HTR1E: variants seen among roughly 807,000 people sequenced by gnomAD.
HTR1E encodes 5-HT-1E.
In HTR1E, 3 loss-of-function variants were observed where a neutral mutation model predicts 3.4. The ratio of observed to expected loss-of-function variants is 0.89; its 90% CI spans 0.41 to 2.31. The LOEUF (loss-of-function observed/expected upper bound fraction) is 2.31, where lower values mean the gene tolerates loss of function less well. Among genes scored for constraint, HTR1E ranks in the 30% most tolerant of loss-of-function variants. The pLI, the probability that HTR1E is intolerant of heterozygous loss-of-function variation, is 0.05. For synonymous variants in HTR1E, 170 were observed against 182.8 expected, an observed-to-expected ratio of 0.93 and a Z score of 0.56; for missense variants, 392 against 467.0, an observed-to-expected ratio of 0.84 and a Z score of 1.48.
chr6:86,980,164 G>A (rs887977052), intron 1 of HTR1E, among the ~76,000 whole-genome samples: 1 of 152,066 alleles, frequency 6.6e-6, no homozygotes, highest in Admixed American at 6.5e-5. Context: ...GAGGCGGGCG[G>A]ATCATGAGGT....
chr6:86,987,078 A>G (rs1270108945), intron 1 of HTR1E, among the ~76,000 whole-genome samples: 1 of 152,118 alleles, frequency 6.6e-6, no homozygotes, highest in Non-Finnish European at 1.5e-5. Context: ...CACATATAGA[A>G]CAAATATGGC....
chr6:86,979,343 G>T (rs895163974), intron 1 of HTR1E, among the ~76,000 whole-genome samples: 8 of 152,128 alleles, frequency 5.3e-5, no homozygotes, highest in Admixed American at 2.6e-4. Flanking sequence ...TTCTGAAAAG[G>T]GGAATTATAT....
chr6:86,940,840 T>C (rs1582252239), intron 1 of HTR1E, among the ~76,000 whole-genome samples: 1 of 152,196 alleles, frequency 6.6e-6, no homozygotes, highest in Non-Finnish European at 1.5e-5. Flanking sequence ...TTCTACCAAA[T>C]AGGAACTTAC....
intron 1 of HTR1E, among the ~76,000 whole-genome samples, chr6:86,995,480 A>G (rs548011433): frequency 3.2e-4 from 49 of 151,474 alleles, no homozygotes; most frequent in South Asian, 2.5e-3. Flanking sequence ...AGCCTGGCCA[A>G]TATGGTGAAA....
chr6:86,990,026 A>G (rs1313784479), intron 1 of HTR1E, among the ~76,000 whole-genome samples: 1 of 152,230 alleles, frequency 6.6e-6, no homozygotes, highest in Admixed American at 6.5e-5. Context: ...ACTAAGTGGA[A>G]GCCTAGTAGG....
chr6:87,010,514 G>A (rs1372225436), intron 1 of HTR1E, among the ~76,000 whole-genome samples: 12 of 143,572 alleles, frequency 8.4e-5, no homozygotes, highest in Non-Finnish European at 1.4e-4. Flanking sequence ...CAGATGGGGC[G>A]GCGGGGCAGA....
chr6:87,008,354 T>C (rs1453271558), intron 1 of HTR1E, among the ~76,000 whole-genome samples: 1 of 151,906 alleles, frequency 6.6e-6, no homozygotes, highest in Non-Finnish European at 1.5e-5. Flanking sequence ...AACAGAAAGA[T>C]AAAATTACTA....
In HTR1E at chr6:86,967,925, A is replaced by G. The variant is rs183330846; in HGVS notation, c.-186+30102A>G. On this transcript the variant is annotated intron_variant, in intron 1 of 1. Coordinates refer to ENST00000305344, the MANE Select transcript of HTR1E (RefSeq NM_000865.3). The stretch of plus-strand genomic sequence containing the variant: ...AGGAGAGGGGAGAGTTTTTTTGGAT[A>G]GGTAGTATATGCAAAAAAGAATTGT... Among the ~76,000 whole-genome samples, 49 of 152,254 alleles carry G rather than the reference A, an allele frequency of 3.2e-4. 1 individual carries two copies. Among genetic ancestry groups the G allele is most frequent in the Admixed American group, 3.0e-3 (46 of 15,298 alleles).
chr6:86,972,470 G>A (rs1767573991), intron 1 of HTR1E, among the ~76,000 whole-genome samples: 1 of 152,038 alleles, frequency 6.6e-6, no homozygotes, highest in South Asian at 2.1e-4. Flanking sequence ...GTTGTATGGG[G>A]CAGTTTTCCA....
intron 1 of HTR1E, among the ~76,000 whole-genome samples, chr6:86,971,738 G>A (rs1767560399): frequency 6.6e-6 from 1 of 152,086 alleles, no homozygotes; most frequent in Admixed American, 6.5e-5. Context: ...GAGGGGATGT[G>A]CAGGTTTTGA....
intron 1 of HTR1E, among the ~76,000 whole-genome samples, chr6:86,968,971 G>GA (rs1190935040): frequency 6.6e-6 from 1 of 151,814 alleles, no homozygotes; most frequent in Non-Finnish European, 1.5e-5. Flanking sequence ...ATGAGGTAGG[G>GA]ATCTAACTTT....
chr6:86,967,550 A>G (rs183158200), intron 1 of HTR1E, among the ~76,000 whole-genome samples: 10 of 152,310 alleles, frequency 6.6e-5, no homozygotes, highest in Admixed American at 6.5e-4. Context: ...ACCCACAGTG[A>G]GCTAAGCACT....
rs530999472 is a variant in HTR1E at position 87,003,214 on chromosome 6, G to A, written c.-185-11936G>A. On this transcript the variant is annotated intron_variant, in intron 1 of 1. Coordinates refer to ENST00000305344, the MANE Select transcript of HTR1E (RefSeq NM_000865.3). ...ACACATGGAAATTAAACATGTTTCT[G>A]AATGACCAGTGGGCCAATGAAGGGC... Among the ~76,000 whole-genome samples, 13 of 152,290 alleles carry A rather than the reference G, an allele frequency of 8.5e-5. No individual in the cohort carries two copies. In the East Asian group the frequency reaches 2.5e-3, roughly 29 times the overall value.
At chr6:86,995,688 G>GAAAAAAAAAAAAAAAAAAAA (rs58476122) in intron 1 of HTR1E, among the ~76,000 whole-genome samples, 1 of 55,204 alleles carries the variant, frequency 1.8e-5, no homozygotes, top group African/African-American at 5.2e-5. Context: ...AAAAAAAAAA[G>GAAAAAAAAAAAAAAAAAAAA]AAAAAAAAAA....
At chr6:87,000,549 C>A (rs1303212537) in intron 1 of HTR1E, among the ~76,000 whole-genome samples, 1 of 152,186 alleles carries the variant, frequency 6.6e-6, no homozygotes, top group East Asian at 1.9e-4. Flanking sequence ...TCTCCAGCAG[C>A]AGACTTTTCA....
chr6:86,952,245 G>A (rs1767255477), intron 1 of HTR1E, among the ~76,000 whole-genome samples: 2 of 152,030 alleles, frequency 1.3e-5, no homozygotes, highest in South Asian at 4.1e-4. Context: ...TCAATTTCGA[G>A]ATTCAAACAA....
At chr6:87,004,573 A>G (rs1768075198) in intron 1 of HTR1E, among the ~76,000 whole-genome samples, 1 of 152,144 alleles carries the variant, frequency 6.6e-6, no homozygotes, top group African/African-American at 2.4e-5. Context: ...CCTAAAAAAA[A>G]TGGGTATAGA....
chr6:86,939,517 G>A (rs1019618509), intron 1 of HTR1E, among the ~76,000 whole-genome samples: 2 of 152,202 alleles, frequency 1.3e-5, no homozygotes, highest in African/African-American at 4.8e-5. Context: ...GAGACTTCTA[G>A]TAACAGAGCT....
In HTR1E at chr6:87,015,994, G is replaced by A. The variant is rs753692471; in HGVS notation, c.660G>A (p.Arg220=). The A allele has an allele frequency of 6.2e-7, 1 of 1,614,186 alleles. No individual in the cohort carries two copies. Among genetic ancestry groups the A allele is most frequent in the Non-Finnish European group, 8.5e-7 (1 of 1,180,032 alleles). ...TTTACCAGAAAAGGGGATCAAGTCG[G>A]CACTTAAGCAACAGAAGCACAGATA... ...KSLYQKRGSS[R]HLSNRSTDSQ... Residue 220 remains arginine (R), a synonymous_variant, in exon 2 of 2, where the codon CGG becomes CGA. Transcript: ENST00000305344.
Sources: allele counts gnomAD v4.1 joint callset (sites outside exome capture counted in the v4.1 genomes callset), GRCh38; gene constraint gnomAD v4.1.1; transcripts MANE v1.5; gene names NCBI Gene and HGNC (gene_info 2026-07-23, HGNC 2026-07-21).